Variants in SIPA1L2 observed in about 807,000 individuals in gnomAD.
The protein encoded by SIPA1L2 is signal-induced proliferation-associated 1-like protein 2.
In SIPA1L2, 56 loss-of-function variants were observed where a neutral mutation model predicts 163.9. That is an observed-to-expected ratio of 0.34 (90% CI 0.28 to 0.43). The LOEUF (loss-of-function observed/expected upper bound fraction) is 0.43. Ranked by LOEUF, SIPA1L2 falls within the 20% of genes least tolerant of loss-of-function variation. The pLI, the probability that SIPA1L2 is intolerant of heterozygous loss-of-function variation, is 1.00. For synonymous variants in SIPA1L2, 877 were observed against 865.7 expected, an observed-to-expected ratio of 1.01 and a Z score of -0.23; for missense variants, 1,974 against 2,193.5, an observed-to-expected ratio of 0.90 and a Z score of 2.00.
intron 2 of SIPA1L2, among the ~76,000 whole-genome samples, chr1:232,549,048 G>C (rs1322174482): frequency 6.6e-6 from 1 of 152,230 alleles, no homozygotes; most frequent in Non-Finnish European, 1.5e-5. Context: ...AACAGAAGGA[G>C]GAGGAGCTTC....
chr1:232,564,401 C>A (rs1659279936), intron 2 of SIPA1L2, among the ~76,000 whole-genome samples: 1 of 151,782 alleles, frequency 6.6e-6, no homozygotes, highest in African/African-American at 2.4e-5. Flanking sequence ...TAGACCCCAT[C>A]AGGTCGACTG....
At position 232,404,135 on chromosome 1, in the gene SIPA1L2, C is replaced by T. The variant is rs748797056; in HGVS notation, c.4806G>A (p.Thr1602=). 16 of 1,614,022 alleles carry T rather than the reference C, an allele frequency of 9.9e-6. No homozygotes were observed. The highest frequency in any genetic ancestry group is 1.7e-5 in the Admixed American group (1 of 59,994). Residue 1602 remains threonine, a synonymous_variant, in exon 20 of 23, where the codon ACG becomes ACA. Transcript: ENST00000674635. ...GCCCCAGACAATCACCTAGATAGGA[C>T]GTGTGGTGACAGAGCAGCCCCAGTT... ...DEELGLLCHH[T]SYLDQRVASF...
intron 2 of SIPA1L2, among the ~76,000 whole-genome samples, chr1:232,528,479 A>T (rs566507948): frequency 2.9e-3 from 437 of 152,328 alleles, no homozygotes; most frequent in Non-Finnish European, 4.3e-3. Context: ...ATCTGTTCAA[A>T]AGAACCCAAC....
chr1:232,625,517 C>T (rs939765046), intron 1 of SIPA1L2, among the ~76,000 whole-genome samples: 5 of 152,314 alleles, frequency 3.3e-5, no homozygotes, highest in South Asian at 4.1e-4. Context: ...ATGTGATTAA[C>T]GGCTCGGCAG....
intron 3 of SIPA1L2, among the ~76,000 whole-genome samples, chr1:232,509,016 C>T (rs370695558): frequency 1.3e-5 from 2 of 152,282 alleles, no homozygotes; most frequent in Admixed American, 1.3e-4. Context: ...TGCTTGAACC[C>T]GGGAGGCAGA....
At chr1:232,535,487 A>T (rs1295425090) in intron 2 of SIPA1L2, among the ~76,000 whole-genome samples, 1 of 152,204 alleles carries the variant, frequency 6.6e-6, no homozygotes, top group African/African-American at 2.4e-5. Context: ...CCAAAATCGC[A>T]GTTTTCTCAA....
intron 1 of SIPA1L2, among the ~76,000 whole-genome samples, chr1:232,577,959 T>C (rs1177530022): frequency 1.3e-5 from 2 of 152,124 alleles, no homozygotes; most frequent in Non-Finnish European, 2.9e-5. Context: ...TGAAACAGCA[T>C]GAAGTCTTTC....
intron 1 of SIPA1L2, among the ~76,000 whole-genome samples, chr1:232,597,177 TTAACC>T (rs1429475772): frequency 3.3e-5 from 5 of 152,148 alleles, no homozygotes; most frequent in Admixed American, 6.5e-5. Flanking sequence ...AAAAGGGCAC[TTAACC>T]TAACAATGCA....
intron 1 of SIPA1L2, among the ~76,000 whole-genome samples, chr1:232,615,995 C>T (rs1456261895): frequency 2.3e-4 from 35 of 152,176 alleles, no homozygotes. Flanking sequence ...AAATCCTCTC[C>T]ATAATACTAT....
intron 3 of SIPA1L2, among the ~76,000 whole-genome samples, chr1:232,511,953 G>T (rs1400041966): frequency 6.6e-6 from 1 of 152,176 alleles, no homozygotes; most frequent in Non-Finnish European, 1.5e-5. Flanking sequence ...TACAGAATGG[G>T]AGAAAATTTT....
chr1:232,490,851 A>G, intron 5 of SIPA1L2, 23 bp downstream of exon 5: 1 of 1,576,220 alleles, frequency 6.3e-7, no homozygotes, highest in South Asian at 1.2e-5. Context: ...ACACACAAAC[A>G]TACAATCTCA....
At chr1:232,587,340 T>C (rs918626027) in intron 1 of SIPA1L2, among the ~76,000 whole-genome samples, 2 of 151,812 alleles carry the variant, frequency 1.3e-5, no homozygotes, top group Non-Finnish European at 2.9e-5. Flanking sequence ...ACGTATGAGG[T>C]ATCTGACCCA....
At chr1:232,471,771 C>G (rs1384721516) in intron 7 of SIPA1L2, among the ~76,000 whole-genome samples, 1 of 152,182 alleles carries the variant, frequency 6.6e-6, no homozygotes, top group Non-Finnish European at 1.5e-5. Flanking sequence ...TGTACTCTCT[C>G]TCCTTTTGGT....
chr1:232,443,740 T>C, intron 11 of SIPA1L2, 55 bp from the exon 12 acceptor site: 1 of 1,388,392 alleles, frequency 7.2e-7, no homozygotes, highest in Non-Finnish European at 9.9e-7. Flanking sequence ...CCAAGCCCCT[T>C]GACCTGGCCT....
chr1:232,541,347 T>C (rs2103109023), intron 2 of SIPA1L2, among the ~76,000 whole-genome samples: 1 of 152,292 alleles, frequency 6.6e-6, no homozygotes, highest in East Asian at 1.9e-4. Context: ...TTTATTATTT[T>C]CAACAAGAAA....
At chr1:232,545,727 C>T (rs777645087) in intron 2 of SIPA1L2, among the ~76,000 whole-genome samples, 8 of 152,130 alleles carry the variant, frequency 5.3e-5, no homozygotes, top group Non-Finnish European at 8.8e-5. Flanking sequence ...TTCTAATTCG[C>T]ATATAATTCT....
chr1:232,618,168 A>G (rs190555006), intron 1 of SIPA1L2, among the ~76,000 whole-genome samples: 167 of 152,364 alleles, frequency 1.1e-3, no homozygotes, highest in Non-Finnish European at 2.0e-3. Context: ...AATAAATCTC[A>G]GAAGTTTAAA....
chr1:232,519,207 T>C (rs919465509), intron 2 of SIPA1L2, among the ~76,000 whole-genome samples: 1 of 152,204 alleles, frequency 6.6e-6, no homozygotes, highest in Non-Finnish European at 1.5e-5. Context: ...TCTAATTGTA[T>C]ACAAAGAAAA....
In SIPA1L2 at chr1:232,441,751, C is replaced by T. The variant is rs1662910037; in HGVS notation, c.3538+17G>A. On this transcript the variant is annotated intron_variant, in intron 13 of 22. Coordinates refer to ENST00000674635, the MANE Select transcript of SIPA1L2 (RefSeq NM_020808.5). ...AGGGGGAGCAAGGGAGGTCAATTTC[C>T]AGGAGTTCCTTATTACCCGGGTGCC... The T allele has an allele frequency of 6.2e-7, 1 of 1,609,014 alleles. No individual in the cohort carries two copies. The highest frequency in any genetic ancestry group is 8.5e-7 in the Non-Finnish European group (1 of 1,175,976).
Sources: gnomAD v4.1 joint callset for allele counts (sites outside exome capture counted in the v4.1 genomes callset) on GRCh38, gnomAD v4.1.1 for gene constraint, MANE v1.5 for transcripts, NCBI Gene and HGNC (gene_info 2026-07-23, HGNC 2026-07-21) for gene names.